MACC1: variants seen among roughly 807,000 people sequenced by gnomAD.
The protein encoded by MACC1 is MET transcriptional regulator MACC1.
MACC1 carries 79 observed loss-of-function variants against 70.7 expected under a neutral mutation model. The ratio of observed to expected loss-of-function variants is 1.12; its 90% CI spans 0.93 to 1.35. The LOEUF (loss-of-function observed/expected upper bound fraction) is 1.35. Among genes scored for constraint, MACC1 ranks in the 40% most tolerant of loss-of-function variants. MACC1 has a pLI of 0.00. For missense variants in MACC1, 1,106 were observed against 978.1 expected (o/e 1.13, Z -1.74); for synonymous variants, 361 against 347.2 (o/e 1.04, Z -0.44).
chr7:20,160,114 G>C lies in MACC1; in HGVS notation c.247C>G (p.Gln83Glu). The C allele has an allele frequency of 3.1e-6, 5 of 1,613,176 alleles. No homozygotes were observed. Among genetic ancestry groups the C allele is most frequent in the Non-Finnish European group, 3.4e-6 (4 of 1,179,772 alleles). The part of the protein sequence containing the change: ...ASNPFLDDIT[Q>E]LRNNRKRNNI... ...TTTCTCTTCCTGTTATTTCTTAGTT[G>C]AGTTATGTCATCCAAAAATGGGTTA... is the stretch of plus-strand genomic sequence containing the variant. The change falls in exon 5 of 7, where the codon CAA becomes GAA. Residue 83 changes from glutamine (Q) to glutamate (E), a missense_variant. Coordinates refer to ENST00000400331, the MANE Select transcript of MACC1 (RefSeq NM_182762.4).
intron 5 of MACC1, among the ~76,000 whole-genome samples, chr7:20,155,574 G>A (rs1173498971): frequency 6.6e-6 from 1 of 152,166 alleles, no homozygotes; most frequent in Non-Finnish European, 1.5e-5. Flanking sequence ...GGGAACTACT[G>A]TAAACATGTT....
intron 1 of MACC1, among the ~76,000 whole-genome samples, chr7:20,179,109 T>C (rs964217797): frequency 2.2e-4 from 33 of 152,188 alleles, no homozygotes; most frequent in African/African-American, 7.7e-4. Context: ...AGTGCTAATG[T>C]CCAATTTGTT....
chr7:20,197,530 A>G (rs927000919), intron 1 of MACC1, among the ~76,000 whole-genome samples: 24 of 152,220 alleles, frequency 1.6e-4, no homozygotes, highest in South Asian at 4.1e-4. Context: ...AGCTTTTAAC[A>G]TTATGGATAT....
intron 1 of MACC1, among the ~76,000 whole-genome samples, chr7:20,176,958 G>T (rs1278800224): frequency 6.6e-6 from 1 of 152,086 alleles, no homozygotes; most frequent in Non-Finnish European, 1.5e-5. Context: ...GTACCGCAAG[G>T]GAGATCTTTG....
intron 5 of MACC1, among the ~76,000 whole-genome samples, chr7:20,156,479 A>T (rs1257734958): frequency 6.6e-6 from 1 of 152,194 alleles, no homozygotes; most frequent in Non-Finnish European, 1.5e-5. Flanking sequence ...TTAGGCCACT[A>T]AAAAAACAAA....
At chr7:20,156,468 T>A (rs1383560448) in intron 5 of MACC1, among the ~76,000 whole-genome samples, 2 of 152,230 alleles carry the variant, frequency 1.3e-5, no homozygotes, top group Non-Finnish European at 2.9e-5. Context: ...TTACAACATT[T>A]TTAGGCCACT....
At position 20,148,558 on chromosome 7, in the gene MACC1, T is replaced by C. The variant is rs73683390; in HGVS notation, c.2346+5635A>G. Among the ~76,000 whole-genome samples, 1,209 of 152,318 alleles carry C rather than the reference T, an allele frequency of 7.9e-3. 19 individuals carry two copies. Among genetic ancestry groups the C allele is most frequent in the African/African-American group, 0.028 (1,155 of 41,578 alleles). On this transcript the variant is annotated intron_variant, in intron 6 of 6. Coordinates refer to ENST00000400331, the MANE Select transcript of MACC1 (RefSeq NM_182762.4). The stretch of plus-strand genomic sequence containing the variant: ...CCATTTTGAATTTTCTTAATAATGT[T>C]TAACTTAATATGCATGTTATTTCTA...
chr7:20,181,931 T>C (rs1393743177), intron 1 of MACC1, among the ~76,000 whole-genome samples: 1 of 151,920 alleles, frequency 6.6e-6, no homozygotes, highest in Non-Finnish European at 1.5e-5. Context: ...GGAGGTCAAA[T>C]AAAAGATAAA....
intron 1 of MACC1, among the ~76,000 whole-genome samples, chr7:20,181,329 G>A (rs915463279): frequency 1.3e-5 from 2 of 151,858 alleles, no homozygotes; most frequent in Non-Finnish European, 1.5e-5. Context: ...TGATAGAAAG[G>A]ACAGTTACAG....
intron 1 of MACC1, among the ~76,000 whole-genome samples, chr7:20,179,829 A>C (rs1159415109): frequency 6.6e-6 from 1 of 152,320 alleles, no homozygotes; most frequent in East Asian, 1.9e-4. Context: ...TACTTACTAA[A>C]GCCAAAATTC....
chr7:20,158,123 T>A (rs1421349562), intron 5 of MACC1, 81 bp downstream of exon 5: 3 of 1,453,858 alleles, frequency 2.1e-6, no homozygotes, highest in African/African-American at 2.8e-5. Context: ...ACATTTCTCC[T>A]CTCACATGTT....
intron 6 of MACC1, among the ~76,000 whole-genome samples, chr7:20,147,979 A>G (rs1238402852): frequency 6.6e-6 from 1 of 152,198 alleles, no homozygotes; most frequent in Non-Finnish European, 1.5e-5. Flanking sequence ...ACCAATGTTT[A>G]AAGAAATTGG....
At chr7:20,216,682 G>A (rs1783075671) in intron 1 of MACC1, among the ~76,000 whole-genome samples, 2 of 152,080 alleles carry the variant, frequency 1.3e-5, no homozygotes, top group South Asian at 4.1e-4. Flanking sequence ...CCTCCATCAT[G>A]TATCATCTGT....
In MACC1 at chr7:20,159,114, A is replaced by G; in HGVS notation, c.1247T>C (p.Val416Ala). Residue 416 changes from valine to alanine, a missense_variant, in exon 5 of 7, where the codon GTG (valine) becomes GCG (alanine). Val to Ala is a moderately conservative substitution (Grantham distance 64). Coordinates refer to ENST00000400331, the MANE Select transcript of MACC1 (RefSeq NM_182762.4). The stretch of plus-strand genomic sequence containing the variant: ...TGACTGCTTCCCCCAGAGCTGAAAC[A>G]CAACTGGAGATATGTTTTTTCCACC... ...KKGGKNISPV[V>A]FQLWGKQSFL... 6.2e-7 allele frequency: 1 copy of G among 1,613,666 alleles called. No individual in the cohort carries two copies. Among genetic ancestry groups the G allele is most frequent in the Non-Finnish European group, 8.5e-7 (1 of 1,179,962 alleles).
At chr7:20,205,371 G>A (rs999848836) in intron 1 of MACC1, among the ~76,000 whole-genome samples, 9 of 152,176 alleles carry the variant, frequency 5.9e-5, no homozygotes, top group Non-Finnish European at 1.0e-4. Flanking sequence ...ATATTTTCCA[G>A]GACAAAGCAG....
At chr7:20,170,015 T>C (rs1470927657) in intron 2 of MACC1, among the ~76,000 whole-genome samples, 1 of 152,238 alleles carries the variant, frequency 6.6e-6, no homozygotes, top group African/African-American at 2.4e-5. Context: ...AAGTTGTGTC[T>C]TGGGACCCTG....
intron 6 of MACC1, among the ~76,000 whole-genome samples, chr7:20,146,118 G>A (rs1014844920): frequency 1.6e-4 from 24 of 149,018 alleles, no homozygotes; most frequent in African/African-American, 5.2e-4. Flanking sequence ...GCAAGATCAT[G>A]CCACTGCACT....
At position 20,158,248 on chromosome 7, in the gene MACC1, G is replaced by A; in HGVS notation, c.2113C>T (p.His705Tyr). ...AACTTCCTTGTATTTCTCTCTGTGT[G>A]GCAATCTTCCTTTAACTTCTTTATA... is the stretch of plus-strand genomic sequence containing the variant. ...YVIKKLKEDCHTERNTRKFLY... is the reference protein window; with the variant it reads ...YVIKKLKEDCYTERNTRKFLY... Residue 705 changes from histidine (H) to tyrosine (Y), a missense_variant, in exon 5 of 7, where the codon CAC becomes TAC. His to Tyr is a moderately conservative substitution (Grantham distance 83, BLOSUM62 2). Coordinates refer to ENST00000400331, the MANE Select transcript of MACC1 (RefSeq NM_182762.4). 5 of 1,602,404 alleles carry A rather than the reference G, an allele frequency of 3.1e-6. No individual in the cohort carries two copies. Among genetic ancestry groups the A allele is most frequent in the Non-Finnish European group, 4.2e-6 (5 of 1,176,822 alleles).
At chr7:20,189,146 C>T (rs1286792249) in intron 1 of MACC1, among the ~76,000 whole-genome samples, 4 of 152,080 alleles carry the variant, frequency 2.6e-5, no homozygotes, top group Non-Finnish European at 5.9e-5. Flanking sequence ...TAAAATATTG[C>T]CTTACTTATG....
Sources: gnomAD v4.1 joint callset for allele counts (sites outside exome capture counted in the v4.1 genomes callset) on GRCh38, gnomAD v4.1.1 for gene constraint, MANE v1.5 for transcripts, NCBI Gene and HGNC (gene_info 2026-07-23, HGNC 2026-07-21) for gene names.